GRPR: variants seen among roughly 807,000 people sequenced by gnomAD.
The protein encoded by GRPR is gastrin-releasing peptide receptor.
A neutral mutation model predicts 15.6 loss-of-function variants in GRPR; 4 were observed. That is an observed-to-expected ratio of 0.26 (90% CI 0.13 to 0.59). The LOEUF is 0.59. GRPR is among the 20% of genes least tolerant of loss of function. The pLI, the probability that GRPR is intolerant of heterozygous loss-of-function variation, is 0.90. For missense variants in GRPR, 270 were observed against 304.1 expected, an observed-to-expected ratio of 0.89 and a Z score of 0.83; for synonymous variants, 128 against 126.8, an observed-to-expected ratio of 1.01 and a Z score of -0.06.
At chrX:16,139,513 C>T (rs1236967507) in intron 1 of GRPR, among the ~76,000 whole-genome samples, 2 of 109,827 alleles carry the variant, frequency 1.8e-5, no homozygotes, top group African/African-American at 6.7e-5. Context: ...ATGTGTAGCC[C>T]AAGACAATTC....
chrX:16,141,853 T>G (rs1332856464), intron 1 of GRPR, among the ~76,000 whole-genome samples: 1 of 112,304 alleles, frequency 8.9e-6, no homozygotes, highest in Non-Finnish European at 1.9e-5. Context: ...CACATGTGGC[T>G]CAGGCAGCAG....
chrX:16,149,556 A>C (rs1289144041), intron 1 of GRPR, among the ~76,000 whole-genome samples: 1 of 107,949 alleles, frequency 9.3e-6, no homozygotes, highest in African/African-American at 3.4e-5. Flanking sequence ...TATTATGCAT[A>C]CTTTGAAAAA....
At chrX:16,127,535 C>T (rs1381543370) in intron 1 of GRPR, among the ~76,000 whole-genome samples, 3 of 111,467 alleles carry the variant, frequency 2.7e-5, no homozygotes, top group Non-Finnish European at 5.6e-5. Context: ...GGCTCTGTTT[C>T]CTGGCTTATG....
chrX:16,140,363 A>C (rs938771033), intron 1 of GRPR, among the ~76,000 whole-genome samples: 3 of 112,458 alleles, frequency 2.7e-5, no homozygotes, highest in African/African-American at 9.7e-5. Context: ...GATTTGAAAT[A>C]TATTTAAAAA....
chrX:16,133,512 A>C (rs1373184006), intron 1 of GRPR, among the ~76,000 whole-genome samples: 1 of 110,896 alleles, frequency 9.0e-6, no homozygotes, highest in Non-Finnish European at 1.9e-5. Flanking sequence ...CTGTGGCTTC[A>C]TCTGAGATCA....
chrX:16,138,754 G>T (rs1204345195), intron 1 of GRPR, among the ~76,000 whole-genome samples: 2 of 110,169 alleles, frequency 1.8e-5, no homozygotes, highest in African/African-American at 6.6e-5. Context: ...AACAAAATTT[G>T]CCCTTTTAAC....
In GRPR at chrX:16,123,813, G is replaced by C. The variant is rs1922243024; in HGVS notation, c.-141G>C. On this transcript the variant is annotated 5_prime_UTR_variant, in exon 1 of 3. Transcript: ENST00000380289. ...CAGAGAGTTTTGAATACCATAGTTA[G>C]TATATATGTACTCAGAGTATTTTTA... 1.9e-6 allele frequency: 1 copy of C among 527,233 alleles called. No individual in the cohort carries two copies. The highest frequency in any genetic ancestry group is 3.3e-5 in the East Asian group (1 of 30,611). The allele number at this position is 527,233 out of a possible 1,213,427, so 43.4% of individuals were successfully genotyped here.
At chrX:16,138,702 G>GT (rs1190126556) in intron 1 of GRPR, among the ~76,000 whole-genome samples, 4 of 110,422 alleles carry the variant, frequency 3.6e-5, no homozygotes, top group South Asian at 7.7e-4. Flanking sequence ...TTGCTGTTTT[G>GT]TTTTTTTTCT....
chrX:16,152,472 A>G lies in GRPR; in HGVS notation c.982A>G (p.Ser328Gly). ...CTTTGCCCTCTACCTGCTGAGCAAG[A>G]GTTTCAGGAAACAGTTCAACACTCA... ...NPFALYLLSK[S>G]FRKQFNTQLL... The change falls in exon 3 of 3, where the codon AGT becomes GGT. Residue 328 changes from serine (S) to glycine (G), a missense_variant. By Grantham distance (56) the Ser-to-Gly change is moderately conservative. Coordinates refer to ENST00000380289, the MANE Select transcript of GRPR (RefSeq NM_005314.3). 1 of 1,209,958 alleles carries G rather than the reference A, an allele frequency of 8.3e-7. No homozygotes were observed. Among genetic ancestry groups the G allele is most frequent in the Non-Finnish European group, 1.1e-6 (1 of 893,917 alleles).
chrX:16,124,358 G>C lies in GRPR; in HGVS notation c.405G>C (p.Ser135=), dbSNP rs147637788. Reference sequence around the variant, plus strand: ...CTGTCTTCACACTCACGGCGCTCTCGGCAGACAGGTAAGTACAGGCTGAAA... The same window carrying C: ...CTGTCTTCACACTCACGGCGCTCTCCGCAGACAGGTAAGTACAGGCTGAAA... ...GVSVFTLTAL[S]ADRYKAIVRP... is the part of the protein sequence containing the mutation. Residue 135 remains serine (S), a synonymous_variant, in exon 1 of 3, where the codon TCG becomes TCC. Transcript: ENST00000380289. 12 of 1,206,238 alleles carry C rather than the reference G, an allele frequency of 9.9e-6. 1 individual carries two copies. The Middle Eastern group carries it at 1.4e-3, about 139-fold the overall frequency.
Position 16,152,716 on chromosome X carries a change from G to C in GRPR, c.*71G>C. On this transcript the variant is annotated 3_prime_UTR_variant, in exon 3 of 3. Coordinates refer to ENST00000380289, the MANE Select transcript of GRPR (RefSeq NM_005314.3). ...CTAGACAGGAACCCTTGCATCCATT[G>C]TTGTGTCTGTGCCCTCCAAAGAGCC... 1.0e-6 allele frequency: 1 copy of C among 964,557 alleles called. No homozygotes were observed. Among genetic ancestry groups the C allele is most frequent in the Non-Finnish European group, 1.5e-6 (1 of 673,297 alleles). The allele number at this position is 964,557 out of a possible 1,213,427, so 79.5% of individuals were successfully genotyped here. A position where few individuals can be genotyped will look rare whatever the true frequency, so the allele number is the denominator to read the frequency against.
rs189082843 is a variant in GRPR at position 16,138,227 on chromosome X, T to C, written c.414-12078T>C. 5.4e-5 allele frequency among the ~76,000 whole-genome samples: 6 copies of C among 112,052 alleles called. No individual in the cohort carries two copies. The East Asian group carries it at 1.7e-3, about 31-fold the overall frequency. ...ACCTGTGAAAGCAGGGACATTGCCCTCTAGCGAGCACCAAGGTTCTTTGAA... is the reference window on the plus strand; with the variant it reads ...ACCTGTGAAAGCAGGGACATTGCCCCCTAGCGAGCACCAAGGTTCTTTGAA... On this transcript the variant is annotated intron_variant, in intron 1 of 2. Transcript: ENST00000380289.
chrX:16,152,530 G>A lies in GRPR; in HGVS notation c.1040G>A (p.Arg347Gln), dbSNP rs139597939. Residue 347 changes from arginine to glutamine, a missense_variant, in exon 3 of 3, where the codon CGG becomes CAG. By Grantham distance (43) the Arg-to-Gln change is conservative. This residue lies in a region of GRPR where 133 missense variants were observed against 123.4 expected (regional missense o/e 1.08). Transcript: ENST00000380289. ...LLCCQPGLII[R>Q]SHSTGRSTTC... ...TGTTGCCAGCCTGGCCTGATCATCC[G>A]GTCTCACAGCACTGGAAGGAGTACA... 13 of 1,207,203 alleles carry A rather than the reference G, an allele frequency of 1.1e-5. No individual in the cohort carries two copies. The highest frequency in any genetic ancestry group is 8.8e-5 in the African/African-American group (5 of 57,063).
At chrX:16,149,645 CAAAAAA>C (rs575381418) in intron 1 of GRPR, among the ~76,000 whole-genome samples, 1 of 61,269 alleles carries the variant, frequency 1.6e-5, no homozygotes, top group Non-Finnish European at 3.0e-5. Flanking sequence ...AAGGTTTTGC[CAAAAAA>C]AAAAAAAAAA....
chrX:16,135,280 T>C (rs1394967616), intron 1 of GRPR, among the ~76,000 whole-genome samples: 2 of 112,377 alleles, frequency 1.8e-5, no homozygotes, highest in Non-Finnish European at 3.8e-5. Flanking sequence ...CAGTGATTGA[T>C]AACAGCTAAA....
At chrX:16,131,117 G>A (rs993198681) in intron 1 of GRPR, among the ~76,000 whole-genome samples, 7 of 112,468 alleles carry the variant, frequency 6.2e-5, no homozygotes, top group African/African-American at 2.3e-4. Context: ...GCACAAGCTT[G>A]ATCATGAAAC....
chrX:16,133,788 T>C (rs1922411236), intron 1 of GRPR, among the ~76,000 whole-genome samples: 1 of 111,807 alleles, frequency 8.9e-6, no homozygotes, highest in African/African-American at 3.2e-5. Flanking sequence ...TTTTAAGATT[T>C]TTCTCTTTCT....
rs777286330 is a variant in GRPR at position 16,153,459 on chromosome X, C to T, written c.*814C>T. ...AGGGTGCCATTCCACCATAGAAGAG[C>T]AATCCTTTTAGGAAAAAAAAAATCA... is the stretch of plus-strand genomic sequence containing the variant. On this transcript the variant is annotated 3_prime_UTR_variant, in exon 3 of 3. Coordinates refer to ENST00000380289, the MANE Select transcript of GRPR (RefSeq NM_005314.3). 3.1e-5 allele frequency: 2 copies of T among 65,272 alleles called. No homozygotes were observed. Among genetic ancestry groups the T allele is most frequent in the South Asian group, 6.8e-4 (1 of 1,471 alleles). 5.4% of individuals were successfully genotyped at this position (65,272 alleles called of 1,213,427 possible).
rs750403502 is a variant in GRPR, at chrX:16,150,627, G to C, written c.736G>C (p.Val246Leu). The C allele has an allele frequency of 7.7e-6, 9 of 1,167,864 alleles. No homozygotes were observed. Among genetic ancestry groups the C allele is most frequent in the Non-Finnish European group, 9.3e-6 (8 of 856,678 alleles). ...NLIQSAYNLP[V>L]EGNIHVKKQI... ...GATCCAGAGTGCTTACAATCTTCCC[G>C]TGGAAGGGAATATACATGTCAAGAA... The change falls in exon 2 of 3, where the codon GTG (valine) becomes CTG (leucine). Residue 246 changes from valine (V) to leucine (L), a missense_variant. Physicochemically the swap from Val to Leu is conservative, Grantham distance 32. Coordinates refer to ENST00000380289, the MANE Select transcript of GRPR (RefSeq NM_005314.3).
Sources: allele counts gnomAD v4.1 joint callset (sites outside exome capture counted in the v4.1 genomes callset), GRCh38; gene constraint gnomAD v4.1.1; regional missense constraint gnomAD v4.1.1; transcripts MANE v1.5; gene names NCBI Gene and HGNC (gene_info 2026-07-23, HGNC 2026-07-21).